FNIP1: variants seen among roughly 807,000 people sequenced by gnomAD.
The protein encoded by FNIP1 is folliculin-interacting protein 1.
A neutral mutation model predicts 124.5 loss-of-function variants in FNIP1; 40 were observed. That is an observed-to-expected ratio of 0.32 (90% CI 0.25 to 0.42). The LOEUF (loss-of-function observed/expected upper bound fraction) is 0.42, where lower values mean the gene tolerates loss of function less well. FNIP1 is among the 10% of genes least tolerant of loss of function. The pLI, the probability that FNIP1 is intolerant of heterozygous loss-of-function variation, is 1.00. For missense variants in FNIP1, 1,176 were observed against 1,403.7 expected (o/e 0.84, Z 2.59); for synonymous variants, 472 against 470.6 (o/e 1.00, Z -0.04).
intron 10 of FNIP1, among the ~76,000 whole-genome samples, chr5:131,702,631 T>C (rs914895402): frequency 6.6e-6 from 1 of 152,206 alleles, no homozygotes; most frequent in Non-Finnish European, 1.5e-5. Flanking sequence ...ATGAAACTTC[T>C]TCCCAATAGG....
At chr5:131,693,333 C>CATATATATAT (rs70974007) in intron 11 of FNIP1, among the ~76,000 whole-genome samples, 105 of 50,124 alleles carry the variant, frequency 2.1e-3, no homozygotes, top group East Asian at 3.2e-3. Flanking sequence ...TATATATATA[C>CATATATATAT]ATATATATAT....
At chr5:131,711,980 C>G (rs895939031) in intron 6 of FNIP1, among the ~76,000 whole-genome samples, 4 of 152,162 alleles carry the variant, frequency 2.6e-5, no homozygotes, top group Non-Finnish European at 5.9e-5. Flanking sequence ...CTCTTCTTCT[C>G]AGCATAAAAC....
At chr5:131,725,871 A>G (rs909832464) in intron 3 of FNIP1, among the ~76,000 whole-genome samples, 1 of 152,172 alleles carries the variant, frequency 6.6e-6, no homozygotes, top group East Asian at 1.9e-4. Flanking sequence ...GATATATTCC[A>G]TCAATACCTA....
rs969578430 is a variant in FNIP1, at chr5:131,643,604, A to C, written c.*1081T>G. On this transcript the variant is annotated 3_prime_UTR_variant, in exon 18 of 18. Coordinates refer to ENST00000510461, the MANE Select transcript of FNIP1 (RefSeq NM_133372.3). ...ACAAAGGCAACAATTGAGAAGTGAA[A>C]ATCTTTGAAAAAAATACACTTTTGG... is the stretch of plus-strand genomic sequence containing the variant. The C allele has an allele frequency of 3.3e-5, 5 of 152,758 alleles. No individual in the cohort carries two copies. Among genetic ancestry groups the C allele is most frequent in the African/African-American group, 1.2e-4 (5 of 41,438 alleles). 9.5% of individuals were successfully genotyped at this position (152,758 alleles called of 1,614,324 possible).
chr5:131,666,237 C>A (rs1439705129), intron 15 of FNIP1, among the ~76,000 whole-genome samples: 1 of 152,106 alleles, frequency 6.6e-6, no homozygotes, highest in African/African-American at 2.4e-5. Flanking sequence ...TGATTGATAA[C>A]AAAGTTCAAC....
intron 3 of FNIP1, among the ~76,000 whole-genome samples, chr5:131,730,481 A>G (rs1770043687): frequency 6.6e-6 from 1 of 152,242 alleles, no homozygotes; most frequent in Non-Finnish European, 1.5e-5. Flanking sequence ...TATTATACTT[A>G]CTAATACGTT....
At chr5:131,652,677 AG>A (rs2149504568) in intron 15 of FNIP1, among the ~76,000 whole-genome samples, 1 of 152,316 alleles carries the variant, frequency 6.6e-6, no homozygotes, top group South Asian at 2.1e-4. Context: ...AGGACAGGAC[AG>A]GACAGATGAC....
At chr5:131,652,730 G>A (rs1767077848) in intron 15 of FNIP1, among the ~76,000 whole-genome samples, 1 of 152,140 alleles carries the variant, frequency 6.6e-6, no homozygotes. Flanking sequence ...GGGAGGCTGA[G>A]GTGGGAGGAC....
intron 1 of FNIP1, among the ~76,000 whole-genome samples, chr5:131,782,042 C>T (rs757817795): frequency 1.3e-5 from 2 of 151,928 alleles, no homozygotes; most frequent in Non-Finnish European, 2.9e-5. Flanking sequence ...TAGCACTAGA[C>T]ACTTGGAAAG....
chr5:131,766,552 A>T (rs891164827), intron 1 of FNIP1, among the ~76,000 whole-genome samples: 1 of 152,260 alleles, frequency 6.6e-6, no homozygotes, highest in African/African-American at 2.4e-5. Context: ...GGTGGAAACA[A>T]CAGAATATAT....
intron 2 of FNIP1, among the ~76,000 whole-genome samples, chr5:131,741,480 A>G (rs1225253476): frequency 2.6e-5 from 4 of 152,220 alleles, no homozygotes; most frequent in African/African-American, 9.6e-5. Flanking sequence ...ATTTTCTCCC[A>G]AAACCCATTA....
Position 131,659,571 on chromosome 5 carries a change from G to A in FNIP1, c.3109-7572C>T, listed in dbSNP as rs912481652. Among the ~76,000 whole-genome samples the A allele has an allele frequency of 1.2e-4, 18 of 152,290 alleles. 1 individual carries two copies. The highest frequency in any genetic ancestry group is 7.7e-4 in the East Asian group (4 of 5,180). On this transcript the variant is annotated intron_variant, in intron 15 of 17. Transcript: ENST00000510461. ...TTCATGAGGTAGTTAGTAAGGTCCC[G>A]GCCAGCCACGTCCAGACACAGGATG... is the stretch of plus-strand genomic sequence containing the variant.
intron 15 of FNIP1, among the ~76,000 whole-genome samples, chr5:131,652,735 G>C (rs1390668425): frequency 6.6e-6 from 1 of 152,156 alleles, no homozygotes; most frequent in Non-Finnish European, 1.5e-5. Context: ...GCTGAGGTGG[G>C]AGGACTGCTT....
chr5:131,690,640 A>C (rs1768448133), intron 11 of FNIP1, among the ~76,000 whole-genome samples: 1 of 152,190 alleles, frequency 6.6e-6, no homozygotes, highest in African/African-American at 2.4e-5. Flanking sequence ...CTGTGAATCA[A>C]TTAAACCTCT....
intron 3 of FNIP1, among the ~76,000 whole-genome samples, chr5:131,723,356 G>T (rs1769740268): frequency 6.6e-6 from 1 of 151,976 alleles, no homozygotes; most frequent in African/African-American, 2.4e-5. Flanking sequence ...TTTATTTATA[G>T]ATTTTACTAT....
intron 8 of FNIP1, among the ~76,000 whole-genome samples, chr5:131,708,169 G>A (rs1305120827): frequency 2.0e-5 from 3 of 152,052 alleles, no homozygotes; most frequent in African/African-American, 7.2e-5. Context: ...CCTTCTCTAG[G>A]TTACACGAGA....
At chr5:131,659,734 G>A (rs1288078397) in intron 15 of FNIP1, among the ~76,000 whole-genome samples, 1 of 152,220 alleles carries the variant, frequency 6.6e-6, no homozygotes, top group Non-Finnish European at 1.5e-5. Context: ...CGGCTGGGGT[G>A]TTGAAGGTCT....
chr5:131,774,098 C>T (rs1020220174), intron 1 of FNIP1, among the ~76,000 whole-genome samples: 1 of 152,218 alleles, frequency 6.6e-6, no homozygotes, highest in Non-Finnish European at 1.5e-5. Context: ...GTGATCATAG[C>T]TCACAGCAAC....
intron 17 of FNIP1, 101 bp from the exon 18 acceptor site, chr5:131,644,864 G>A (rs1385722799): frequency 3.5e-6 from 4 of 1,155,160 alleles, no homozygotes; most frequent in East Asian, 4.8e-5. Context: ...ATACCTCAAC[G>A]GTTAAGGAGC....
Sources: gnomAD v4.1 joint callset for allele counts (sites outside exome capture counted in the v4.1 genomes callset) on GRCh38, gnomAD v4.1.1 for gene constraint, MANE v1.5 for transcripts, NCBI Gene and HGNC (gene_info 2026-07-23, HGNC 2026-07-21) for gene names.